The following CUTC variants were observed in gnomAD, a reference collection of about 807,000 sequenced individuals.
CUTC encodes the protein cutC copper transporter.
A neutral mutation model predicts 36.2 loss-of-function variants in CUTC; 27 were observed. That is an observed-to-expected ratio of 0.75 (90% CI 0.55 to 1.03). CUTC has a LOEUF of 1.03. Ranked by LOEUF, CUTC falls within the 50% of genes least tolerant of loss-of-function variation. The pLI is 0.00. For missense variants in CUTC, 315 were observed against 343.5 expected (o/e 0.92, Z 0.66); for synonymous variants, 114 against 118.3 (o/e 0.96, Z 0.24).
chr10:99,736,991 C>T (rs919869164), intron 2 of CUTC, among the ~76,000 whole-genome samples: 5 of 152,072 alleles, frequency 3.3e-5, no homozygotes, highest in Admixed American at 1.3e-4. Context: ...AAACATCAGC[C>T]GGGTGCAGTG....
rs189128009 is a variant in CUTC, at chr10:99,740,226, A to G, written c.193+457A>G. On this transcript the variant is annotated intron_variant, in intron 3 of 8. Coordinates refer to ENST00000370476, the MANE Select transcript of CUTC (RefSeq NM_015960.3). ...AAAATCATATATTTACCCACATGCA[A>G]CTACCATTTCTGGTGTTCTTTATTC... Among the ~76,000 whole-genome samples the G allele has an allele frequency of 8.8e-3, 1,336 of 152,274 alleles. 9 individuals are homozygous for G. The highest frequency in any genetic ancestry group is 0.013 in the Admixed American group (196 of 15,300).
intron 3 of CUTC, 134 bp downstream of exon 3, chr10:99,739,903 G>A (rs1458988208): frequency 2.9e-6 from 2 of 685,562 alleles, no homozygotes; most frequent in East Asian, 2.9e-5. Flanking sequence ...AAATGTTTAT[G>A]ATTGTAAAAA....
intron 3 of CUTC, 50 bp from the exon 4 acceptor site, chr10:99,743,103 A>C (rs376032845): frequency 5.8e-6 from 9 of 1,563,464 alleles, no homozygotes; most frequent in Non-Finnish European, 7.9e-6. Context: ...ATAATATATC[A>C]TTGGCTTTTA....
intron 5 of CUTC, 82 bp downstream of exon 5, chr10:99,744,154 C>A: frequency 8.7e-7 from 1 of 1,151,498 alleles, no homozygotes; most frequent in Non-Finnish European, 1.3e-6. Flanking sequence ...TTTTATGGAA[C>A]ACAATTCTGT....
Position 99,743,327 on chromosome 10 carries a change from G to C in CUTC, c.368G>C (p.Gly123Ala). The change falls in exon 4 of 9, where the codon GGA becomes GCA. Residue 123 changes from glycine (G) to alanine (A), a missense_variant. By Grantham distance (60) the Gly-to-Ala change is moderately conservative. Transcript: ENST00000370476. ...GLVFGALTED[G>A]HIDKELCMSL... ...GTTTTTGGGGCATTGACTGAAGATGGACACATTGACAAAGAGCTGTGTATG... is the reference window on the plus strand; with the variant it reads ...GTTTTTGGGGCATTGACTGAAGATGCACACATTGACAAAGAGCTGTGTATG... 1 of 1,614,102 alleles carries C rather than the reference G, an allele frequency of 6.2e-7. No homozygotes were observed. Among genetic ancestry groups the C allele is most frequent in the Non-Finnish European group, 8.5e-7 (1 of 1,180,018 alleles).
In CUTC at chr10:99,754,603, C is replaced by A. The variant is rs776892177; in HGVS notation, c.676C>A (p.Arg226=). Residue 226 remains arginine, a synonymous_variant, in exon 8 of 9, where the codon CGG becomes AGG. Coordinates refer to ENST00000370476, the MANE Select transcript of CUTC (RefSeq NM_015960.3). ...SGATEFHCSA[R]STRDSGMKFR... ...TGCTACAGAATTCCACTGTTCTGCT[C>A]GGTCTACTAGAGACTCGGGAATGAA... 1.2e-6 allele frequency: 2 copies of A among 1,613,302 alleles called. No individual in the cohort carries two copies. Among genetic ancestry groups the A allele is most frequent in the South Asian group, 2.2e-5 (2 of 91,016 alleles).
intron 7 of CUTC, among the ~76,000 whole-genome samples, chr10:99,752,984 TAA>T (rs2037430730): frequency 1.3e-5 from 2 of 152,184 alleles, no homozygotes; most frequent in Non-Finnish European, 1.5e-5. Flanking sequence ...TTGAGAAATA[TAA>T]AGAGGTAGTT....
In CUTC at chr10:99,755,707, T is replaced by C. The variant is rs2037452152; in HGVS notation, c.790T>C (p.Leu264=). The C allele has an allele frequency of 6.2e-7, 1 of 1,613,648 alleles. No individual in the cohort carries two copies. ...AACAGATGTGACCAAAGTAAGGACT[T>C]TGAATGCTATCGCAAAGAACATCCT... The part of the protein sequence containing the change: ...KVTDVTKVRT[L]NAIAKNILV Residue 264 remains leucine (L), a synonymous_variant, in exon 9 of 9, where the codon TTG becomes CTG. Coordinates refer to ENST00000370476, the MANE Select transcript of CUTC (RefSeq NM_015960.3).
chr10:99,746,691 A>G lies in CUTC; in HGVS notation c.440-566A>G, dbSNP rs534139783. Among the ~76,000 whole-genome samples the G allele has an allele frequency of 2.0e-5, 3 of 152,228 alleles. No individual in the cohort carries two copies. In the South Asian group the frequency reaches 6.2e-4, roughly 32 times the overall value. On this transcript the variant is annotated intron_variant, in intron 5 of 8. Coordinates refer to ENST00000370476, the MANE Select transcript of CUTC (RefSeq NM_015960.3). ...TGTGCTGATGAACTGGCTCCTAGAA[A>G]AAAGAGCCCTGATTTGTAGCATTTT...
At position 99,747,306 on chromosome 10, in the gene CUTC, C is replaced by G. The variant is rs1214623319; in HGVS notation, c.489C>G (p.Thr163=). 2 of 1,614,186 alleles carry G rather than the reference C, an allele frequency of 1.2e-6. No individual in the cohort carries two copies. The highest frequency in any genetic ancestry group is 1.7e-6 in the Non-Finnish European group (2 of 1,180,024). The part of the protein sequence containing the change: ...DPMAALETLL[T]LGFERVLTSG... ...TGGCAGCTCTGGAGACCCTCTTAACCTTGGGATTTGAACGCGTGTTGACCA... is the reference window on the plus strand; with the variant it reads ...TGGCAGCTCTGGAGACCCTCTTAACGTTGGGATTTGAACGCGTGTTGACCA... Residue 163 remains threonine, a synonymous_variant, in exon 6 of 9, where the codon ACC becomes ACG. Transcript: ENST00000370476.
chr10:99,739,072 C>T (rs1156923812), intron 2 of CUTC, among the ~76,000 whole-genome samples: 1 of 152,030 alleles, frequency 6.6e-6, no homozygotes, highest in Non-Finnish European at 1.5e-5. Flanking sequence ...TGAATTTGTT[C>T]TCTGTCTTCC....
At chr10:99,754,269 G>A (rs1476694833) in intron 7 of CUTC, among the ~76,000 whole-genome samples, 2 of 152,056 alleles carry the variant, frequency 1.3e-5, no homozygotes, top group Non-Finnish European at 2.9e-5. Flanking sequence ...AGCAGGGATA[G>A]CATTGTTATA....
intron 2 of CUTC, 68 bp downstream of exon 2, chr10:99,736,385 G>A: frequency 8.4e-7 from 1 of 1,185,892 alleles, no homozygotes. Flanking sequence ...AATCCTGTGT[G>A]CTTATCTCAG....
intron 3 of CUTC, among the ~76,000 whole-genome samples, chr10:99,742,024 TG>T (rs1008694041): frequency 1.3e-5 from 2 of 152,320 alleles, no homozygotes; most frequent in Admixed American, 1.3e-4. Context: ...CTCAGGGAAT[TG>T]TTTTGGCTCC....
At chr10:99,734,702 ATTAAT>A (rs1564654585) in intron 1 of CUTC, among the ~76,000 whole-genome samples, 1 of 152,164 alleles carries the variant, frequency 6.6e-6, no homozygotes, top group African/African-American at 2.4e-5. Context: ...ATATAAATAC[ATTAAT>A]TTTGTTGTAA....
At chr10:99,742,406 C>T (rs1377342370) in intron 3 of CUTC, among the ~76,000 whole-genome samples, 4 of 152,070 alleles carry the variant, frequency 2.6e-5, no homozygotes, top group African/African-American at 9.7e-5. Context: ...GCATTCCTGG[C>T]CATTCTAAAA....
At chr10:99,744,171 C>T in intron 5 of CUTC, 99 bp downstream of exon 5, 1 of 894,638 alleles carries the variant, frequency 1.1e-6, no homozygotes, top group Non-Finnish European at 1.7e-6. Context: ...CTGTAGTGTT[C>T]CAAGGTTACC....
intron 6 of CUTC, 81 bp from the exon 7 acceptor site, chr10:99,750,288 A>G: frequency 1.0e-6 from 1 of 990,590 alleles, no homozygotes. Context: ...ATTCTGACTT[A>G]TGTTTCTATT....
At position 99,755,786 on chromosome 10, in the gene CUTC, T is replaced by A; in HGVS notation, c.*47T>A. ...GGATATCACAGGATGAAGGTAGAACTATAATCTGCAATTCTCTATGACACA... is the reference window on the plus strand; with the variant it reads ...GGATATCACAGGATGAAGGTAGAACAATAATCTGCAATTCTCTATGACACA... On this transcript the variant is annotated 3_prime_UTR_variant, in exon 9 of 9. Transcript: ENST00000370476. 8.2e-7 allele frequency: 1 copy of A among 1,218,496 alleles called. No homozygotes were observed. The highest frequency in any genetic ancestry group is 1.2e-6 in the Non-Finnish European group (1 of 825,996). The allele number at this position is 1,218,496 out of a possible 1,614,324, so 75.5% of individuals were successfully genotyped here.
Sources: allele counts gnomAD v4.1 joint callset (sites outside exome capture counted in the v4.1 genomes callset), GRCh38; gene constraint gnomAD v4.1.1; transcripts MANE v1.5; gene names NCBI Gene and HGNC (gene_info 2026-07-23, HGNC 2026-07-21).